TPRG1: variants seen among roughly 807,000 people sequenced by gnomAD.
The protein encoded by TPRG1 is tumor protein p63-regulated gene 1 protein.
TPRG1 carries 29 observed loss-of-function variants against 29.3 expected under a neutral mutation model. The ratio of observed to expected loss-of-function variants is 0.99; its 90% CI spans 0.74 to 1.35. The LOEUF is 1.35. Among genes scored for constraint, TPRG1 ranks in the 40% most tolerant of loss-of-function variants. The pLI, the probability that TPRG1 is intolerant of heterozygous loss-of-function variation, is 0.00. For missense variants in TPRG1, 327 were observed against 335.0 expected (o/e 0.98, Z 0.19); for synonymous variants, 130 against 116.8 (o/e 1.11, Z -0.73).
At chr3:189,108,138 C>T (rs1356230030) in intron 1 of TPRG1, among the ~76,000 whole-genome samples, 2 of 152,156 alleles carry the variant, frequency 1.3e-5, no homozygotes, top group Non-Finnish European at 2.9e-5. Context: ...TCCTTTAACT[C>T]ACCAGCAAAT....
chr3:189,314,304 A>G (rs1005510828), intron 5 of TPRG1, among the ~76,000 whole-genome samples: 1 of 152,168 alleles, frequency 6.6e-6, no homozygotes, highest in Non-Finnish European at 1.5e-5. Flanking sequence ...TATAGGTTTG[A>G]GATTACACAA....
chr3:189,314,076 G>A (rs1195285820), intron 5 of TPRG1, among the ~76,000 whole-genome samples: 2 of 152,204 alleles, frequency 1.3e-5, no homozygotes, highest in Non-Finnish European at 2.9e-5. Flanking sequence ...GGATATTGAA[G>A]ATGATGAAGA....
At chr3:189,241,041 A>G (rs1260023339) in intron 4 of TPRG1, among the ~76,000 whole-genome samples, 1 of 152,166 alleles carries the variant, frequency 6.6e-6, no homozygotes, top group Non-Finnish European at 1.5e-5. Context: ...GCTACTACAA[A>G]GTGCTGCTAC....
chr3:189,154,426 A>G (rs928375953), intron 5 of TPRG1, among the ~76,000 whole-genome samples: 4 of 150,808 alleles, frequency 2.7e-5, no homozygotes, highest in East Asian at 1.9e-4. Flanking sequence ...GCAAAAATCC[A>G]TGGCCTCATG....
chr3:189,281,975 G>C (rs910205814), intron 4 of TPRG1, among the ~76,000 whole-genome samples: 1 of 151,934 alleles, frequency 6.6e-6, no homozygotes, highest in African/African-American at 2.4e-5. Flanking sequence ...CTGCCTCCCA[G>C]GCTCAAGCAA....
chr3:189,189,010 G>T, intron 1 of TPRG1, among the ~76,000 whole-genome samples: 1 of 152,132 alleles, frequency 6.6e-6, no homozygotes, highest in East Asian at 1.9e-4. Flanking sequence ...TTCCTTGATG[G>T]TGAAAGAGAA....
intron 4 of TPRG1, among the ~76,000 whole-genome samples, chr3:189,288,748 T>C (rs1718498098): frequency 6.6e-6 from 1 of 151,804 alleles, no homozygotes; most frequent in Admixed American, 6.5e-5. Flanking sequence ...TTATGATGCA[T>C]AAGCAAATTA....
intron 5 of TPRG1, among the ~76,000 whole-genome samples, chr3:189,319,094 A>G (rs1384413239): frequency 6.6e-6 from 1 of 152,140 alleles, no homozygotes; most frequent in East Asian, 1.9e-4. Flanking sequence ...AATGCCTAGT[A>G]TCTTATCCAA....
rs1736588411 is a variant in TPRG1 at position 189,219,397 on chromosome 3, C to G, written c.302+4014C>G. 2.6e-5 allele frequency among the ~76,000 whole-genome samples: 4 copies of G among 152,100 alleles called. No individual in the cohort carries two copies. In the South Asian group the frequency reaches 6.2e-4, roughly 24 times the overall value. ...CACCATTAAGAGAATTCTAATGAAT[C>G]TCCGATTAGGATTCAGGCCTCCAGG... On this transcript the variant is annotated intron_variant, in intron 3 of 5. Coordinates refer to ENST00000345063, the MANE Select transcript of TPRG1 (RefSeq NM_198485.4).
At chr3:189,232,363 T>C (rs996054739) in intron 3 of TPRG1, among the ~76,000 whole-genome samples, 3 of 152,160 alleles carry the variant, frequency 2.0e-5, no homozygotes, top group Non-Finnish European at 4.4e-5. Context: ...AACCTTGAGA[T>C]TTTTACCAAA....
chr3:189,105,466 G>A (rs952997043), intron 1 of TPRG1, among the ~76,000 whole-genome samples: 1 of 151,948 alleles, frequency 6.6e-6, no homozygotes, highest in Non-Finnish European at 1.5e-5. Flanking sequence ...GGCACACTTT[G>A]CCCCCCTGCT....
At chr3:189,305,092 T>C (rs2102711) in intron 4 of TPRG1, among the ~76,000 whole-genome samples, 57,444 of 152,062 alleles carry the variant, frequency 0.38, 11,705 homozygotes, top group Middle Eastern at 0.49. Flanking sequence ...GCTGCCATCT[T>C]TCCTTCTAGG....
chr3:189,060,990 C>G (rs1240604892), intron 4 of TPRG1, among the ~76,000 whole-genome samples: 6 of 152,100 alleles, frequency 3.9e-5, no homozygotes, highest in Non-Finnish European at 8.8e-5. Flanking sequence ...ATAGCAAAGG[C>G]AATCCTAAGC....
chr3:189,251,963 G>A (rs1410485095), intron 4 of TPRG1, among the ~76,000 whole-genome samples: 2 of 152,268 alleles, frequency 1.3e-5, no homozygotes, highest in African/African-American at 2.4e-5. Context: ...CCCTTCCCAT[G>A]AGGCCATATT....
chr3:189,154,085 G>A (rs975697424), intron 5 of TPRG1, among the ~76,000 whole-genome samples: 2 of 152,194 alleles, frequency 1.3e-5, no homozygotes, highest in African/African-American at 2.4e-5. Context: ...GCTTTAAATG[G>A]AGAGAGGATG....
At chr3:189,082,631 G>A (rs1377947876) in intron 4 of TPRG1, among the ~76,000 whole-genome samples, 2 of 152,096 alleles carry the variant, frequency 1.3e-5, no homozygotes, top group Non-Finnish European at 2.9e-5. Flanking sequence ...GTACTCTCAG[G>A]TGTCCTGCCA....
intron 1 of TPRG1, among the ~76,000 whole-genome samples, chr3:189,184,991 A>G (rs961590842): frequency 2.0e-5 from 3 of 152,192 alleles, no homozygotes; most frequent in African/African-American, 7.2e-5. Context: ...TGTCTGTCCC[A>G]GTGGGTTTGG....
At chr3:189,003,188 G>A (rs848994) in intron 2 of TPRG1, among the ~76,000 whole-genome samples, 148,786 of 152,160 alleles carry the variant, frequency 0.98, 72,827 homozygotes, top group East Asian at 1. Context: ...CATTCCACGC[G>A]CTAGTGTTCA....
intron 5 of TPRG1, among the ~76,000 whole-genome samples, chr3:189,155,437 G>A (rs1308646409): frequency 2.6e-5 from 4 of 152,062 alleles, no homozygotes; most frequent in African/African-American, 7.2e-5. Flanking sequence ...TGCAGATGTG[G>A]TTAGAGATCT....
Sources: allele counts gnomAD v4.1 joint callset (sites outside exome capture counted in the v4.1 genomes callset), GRCh38; gene constraint gnomAD v4.1.1; transcripts MANE v1.5; gene names NCBI Gene and HGNC (gene_info 2026-07-23, HGNC 2026-07-21).